The following SNX25 variants were observed in gnomAD, a reference collection of about 807,000 sequenced individuals.
SNX25 encodes sorting nexin 25, also known as sorting nexin-25.
In SNX25, 62 loss-of-function variants were observed where a neutral mutation model predicts 113.7. That is an observed-to-expected ratio of 0.55 (90% CI 0.44 to 0.67). SNX25 has a LOEUF of 0.67. Ranked by LOEUF, SNX25 falls within the 30% of genes least tolerant of loss-of-function variation. The pLI is 0.00. For synonymous variants in SNX25, 421 were observed against 436.2 expected (o/e 0.97, Z 0.43); for missense variants, 1,014 against 1,161.0 (o/e 0.87, Z 1.84).
intron 9 of SNX25, among the ~76,000 whole-genome samples, chr4:185,325,360 C>T (rs927033962): frequency 1.8e-4 from 28 of 151,878 alleles, no homozygotes; most frequent in African/African-American, 5.6e-4. Context: ...AGTGAAACCC[C>T]GTCTCTACTA....
Position 185,238,522 on chromosome 4 carries a change from C to T in SNX25, c.430-8772C>T, listed in dbSNP as rs577232485. Among the ~76,000 whole-genome samples the T allele has an allele frequency of 9.3e-4, 141 of 152,088 alleles. 1 individual carries two copies. Among genetic ancestry groups the T allele is most frequent in the African/African-American group, 3.1e-3 (130 of 41,438 alleles). On this transcript the variant is annotated intron_variant, in intron 1 of 18. Coordinates refer to ENST00000652585, the MANE Select transcript of SNX25 (RefSeq NM_001378034.2). ...AGGCTGAGGCAGAATATCGTTGTTT[C>T]GAAAGAGGTCCTGGTTTTGAGACTA...
At chr4:185,208,263 G>A (rs554198302), upstream of SNX25, among the ~76,000 whole-genome samples, 43 of 151,892 alleles carry the variant, frequency 2.8e-4, no homozygotes, top group Middle Eastern at 3.4e-3. Context: ...TGATCTGCCC[G>A]CCTCAGCCTC....
At chr4:185,221,490 C>T (rs1031968837) in intron 1 of SNX25, among the ~76,000 whole-genome samples, 2 of 152,064 alleles carry the variant, frequency 1.3e-5, no homozygotes, top group East Asian at 3.9e-4. Flanking sequence ...TTGCATTCAT[C>T]TACTTCTTTC....
intron 5 of SNX25, among the ~76,000 whole-genome samples, chr4:185,273,832 T>C (rs1749278670): frequency 6.6e-6 from 1 of 152,180 alleles, no homozygotes; most frequent in Non-Finnish European, 1.5e-5. Flanking sequence ...AATGGCAGGA[T>C]TTCCTTCTTT....
At chr4:185,261,114 CTGTGTGTGTGTGTG>C (rs369434936) in intron 3 of SNX25, among the ~76,000 whole-genome samples, 106 of 141,756 alleles carry the variant, frequency 7.5e-4, no homozygotes, top group African/African-American at 1.8e-3. Flanking sequence ...CTGTCTGTCT[CTGTGTGTGTGTGTG>C]TGTGTGTGTG....
chr4:185,240,929 G>C (rs1743830245), intron 1 of SNX25, among the ~76,000 whole-genome samples: 2 of 150,992 alleles, frequency 1.3e-5, no homozygotes, highest in African/African-American at 2.4e-5. Flanking sequence ...GGGCGGCCTG[G>C]CAGAGATGCT....
chr4:185,363,164 A>G lies in SNX25; in HGVS notation c.2935-221A>G, dbSNP rs907466678. ...ATCCTCCCTTGACTTTTGATATCAC[A>G]TTGCCGCATAACTGGTTGGTTTTCT... is the stretch of plus-strand genomic sequence containing the variant. On this transcript the variant is annotated intron_variant, in intron 18 of 18. Coordinates refer to ENST00000652585, the MANE Select transcript of SNX25 (RefSeq NM_001378034.2). The surrounding 1 kb of genome is among the most constrained non-coding windows in gnomAD (Gnocchi z 4.2). Among the ~76,000 whole-genome samples, 1 of 151,922 alleles carries G rather than the reference A, an allele frequency of 6.6e-6. No individual in the cohort carries two copies. The highest frequency in any genetic ancestry group is 2.4e-5 in the African/African-American group (1 of 41,364).
At chr4:185,353,739 A>G in intron 15 of SNX25, 137 bp downstream of exon 15, 2 of 815,752 alleles carry the variant, frequency 2.5e-6, no homozygotes, top group Non-Finnish European at 4.0e-6. Context: ...CATTCATTCA[A>G]CATAGCCTTT....
chr4:185,330,636 T>C (rs537378768), intron 9 of SNX25, among the ~76,000 whole-genome samples: 1 of 152,326 alleles, frequency 6.6e-6, no homozygotes, highest in African/African-American at 2.4e-5. Context: ...TTTATAGTCA[T>C]CTTACATAGA....
chr4:185,328,699 G>T (rs2095173140), intron 9 of SNX25, among the ~76,000 whole-genome samples: 1 of 152,206 alleles, frequency 6.6e-6, no homozygotes, highest in Admixed American at 6.5e-5. Context: ...TTCAGAAAAA[G>T]ATCCCAGATG....
intron 15 of SNX25, 104 bp downstream of exon 15, chr4:185,353,706 A>G: frequency 1.1e-6 from 1 of 928,632 alleles, no homozygotes; most frequent in Non-Finnish European, 1.7e-6. Context: ...AATGCATCAG[A>G]CATGTATTTA....
chr4:185,232,294 G>A lies in SNX25; in HGVS notation c.430-15000G>A, dbSNP rs1372990372. Among the ~76,000 whole-genome samples, 10 of 152,118 alleles carry A rather than the reference G, an allele frequency of 6.6e-5. No individual in the cohort carries two copies. In the South Asian group the frequency reaches 8.3e-4, roughly 13 times the overall value. Reference sequence around the variant, plus strand: ...CAGTTCCTCATTGGTCTAGTACTACGGGGTTACAATCTTCCCGGACATCGC... The same window carrying A: ...CAGTTCCTCATTGGTCTAGTACTACAGGGTTACAATCTTCCCGGACATCGC... On this transcript the variant is annotated intron_variant, in intron 1 of 18. Coordinates refer to ENST00000652585, the MANE Select transcript of SNX25 (RefSeq NM_001378034.2). This position sits in a 1 kb window ranked among gnomAD's most constrained non-coding sequence, Gnocchi z 4.4.
At chr4:185,257,864 C>G (rs1746682979) in intron 2 of SNX25, among the ~76,000 whole-genome samples, 1 of 152,098 alleles carries the variant, frequency 6.6e-6, no homozygotes, top group South Asian at 2.1e-4. Flanking sequence ...GGGGCTGAGC[C>G]TAGTGTGATA....
At chr4:185,314,997 G>C (rs2095060467) in intron 7 of SNX25, among the ~76,000 whole-genome samples, 3 of 151,710 alleles carry the variant, frequency 2.0e-5, no homozygotes, top group Admixed American at 6.6e-5. Context: ...GGGAGGCCGA[G>C]GCGGGCGGAT....
chr4:185,282,134 C>T (rs995319808), intron 5 of SNX25, among the ~76,000 whole-genome samples: 1 of 152,174 alleles, frequency 6.6e-6, no homozygotes, highest in African/African-American at 2.4e-5. Flanking sequence ...TTTATCACAT[C>T]GCATACCTGA....
In SNX25 at chr4:185,253,790, G is replaced by A. The variant is rs1253992830; in HGVS notation, c.515-5058G>A. Among the ~76,000 whole-genome samples, 9 of 152,254 alleles carry A rather than the reference G, an allele frequency of 5.9e-5. 1 individual carries two copies. The highest frequency in any genetic ancestry group is 3.3e-4 in the Admixed American group (5 of 15,282). Reference sequence around the variant, plus strand: ...AGCCTACATATACATTTCAAAGTGAGCACATTTCAGCTAGTTTTAATTGGC... The same window carrying A: ...AGCCTACATATACATTTCAAAGTGAACACATTTCAGCTAGTTTTAATTGGC... On this transcript the variant is annotated intron_variant, in intron 2 of 18. Coordinates refer to ENST00000652585, the MANE Select transcript of SNX25 (RefSeq NM_001378034.2).
At chr4:185,287,414 G>A (rs2126607773) in intron 5 of SNX25, among the ~76,000 whole-genome samples, 1 of 152,286 alleles carries the variant, frequency 6.6e-6, no homozygotes, top group African/African-American at 2.4e-5. Flanking sequence ...AAGCAATGAG[G>A]CGCTGCACTC....
At chr4:185,229,677 G>A (rs3108253) in intron 1 of SNX25, among the ~76,000 whole-genome samples, 1 of 151,926 alleles carries the variant, frequency 6.6e-6, no homozygotes, top group Non-Finnish European at 1.5e-5. Context: ...CTGACTAAAC[G>A]CTACAGAAGT....
chr4:185,347,671 G>T (rs145145711), intron 13 of SNX25, among the ~76,000 whole-genome samples: 1 of 151,870 alleles, frequency 6.6e-6, no homozygotes, highest in African/African-American at 2.4e-5. Context: ...GGGTTTCTCC[G>T]TGTTGGTCAG....
Sources: gnomAD v4.1 joint callset for allele counts (sites outside exome capture counted in the v4.1 genomes callset) on GRCh38, gnomAD v4.1.1 for gene constraint, Gnocchi (gnomAD v3.1) non-coding constraint, MANE v1.5 for transcripts, NCBI Gene and HGNC (gene_info 2026-07-23, HGNC 2026-07-21) for gene names.